MIB1: variants seen among roughly 807,000 people sequenced by gnomAD.
MIB1 encodes the protein MIB E3 ubiquitin protein ligase 1, also known as E3 ubiquitin-protein ligase MIB1.
Under a neutral mutation model 124.5 loss-of-function variants are expected in MIB1, and 278 were observed. That is an observed-to-expected ratio of 2.23 (90% CI 2.02 to 2.47). The LOEUF is 2.47. MIB1 is among the 30% of genes most tolerant of loss of function. MIB1 has a pLI of 0.00. For missense variants in MIB1, 957 were observed against 1,254.4 expected (o/e 0.76, Z 3.58); for synonymous variants, 446 against 429.4 (o/e 1.04, Z -0.48).
intron 20 of MIB1, among the ~76,000 whole-genome samples, chr18:21,861,126 C>T (rs761066310): frequency 1.3e-5 from 2 of 152,032 alleles, no homozygotes; most frequent in Non-Finnish European, 2.9e-5. Flanking sequence ...TCTGATTAGG[C>T]CAGTTTTTCT....
intron 1 of MIB1, among the ~76,000 whole-genome samples, chr18:21,755,453 T>C (rs748678038): frequency 2.0e-5 from 3 of 151,804 alleles, no homozygotes; most frequent in Non-Finnish European, 2.9e-5. Context: ...TGCCTCAGCC[T>C]CCTGAGTAGC....
chr18:21,867,546 C>T lies in MIB1; in HGVS notation c.*2880C>T, dbSNP rs1346865783. ...TGTATTAGTGTAGGAATATATTAGA[C>T]AAATGTTTAGTTGGTCAAATTATGC... On this transcript the variant is annotated 3_prime_UTR_variant, in exon 21 of 21. Transcript: ENST00000261537. The T allele has an allele frequency of 6.6e-6, 1 of 152,530 alleles. No individual in the cohort carries two copies. Among genetic ancestry groups the T allele is most frequent in the Non-Finnish European group, 1.5e-5 (1 of 67,974 alleles). The allele number at this position is 152,530 out of a possible 1,614,324, so 9.4% of individuals were successfully genotyped here.
At chr18:21,756,116 A>G (rs533940910) in intron 1 of MIB1, among the ~76,000 whole-genome samples, 4 of 152,264 alleles carry the variant, frequency 2.6e-5, no homozygotes, top group African/African-American at 9.6e-5. Context: ...GAAATCAAGG[A>G]TTTTATCAAT....
Position 21,795,289 on chromosome 18 carries a change from A to ATATATATAATATATAAATATATAT in MIB1, c.1093-2771_1093-2748dup, listed in dbSNP as rs1174290761. 9.4e-4 allele frequency among the ~76,000 whole-genome samples: 133 copies of ATATATATAATATATAAATATATAT among 140,774 alleles called. 1 individual carries two copies. The highest frequency in any genetic ancestry group is 6.2e-3 in the East Asian group (31 of 5,026). 92.4% of individuals were successfully genotyped at this position (140,774 alleles called of 152,430 possible). On this transcript the variant is annotated intron_variant, in intron 7 of 20. Transcript: ENST00000261537. ...TTTATATATATATAAATATATATGT[A>ATATATATAATATATAAATATATAT]TATATATAATATATAAATATATATT...
rs1435332687 is a variant in MIB1, at chr18:21,835,832, CACACACAA to C, written c.1830-2525_1830-2518del. On this transcript the variant is annotated intron_variant, in intron 12 of 20. Transcript: ENST00000261537. ...ACACACACACACACACACACACACA[CACACACAA>C]ACACACACGAGGAGTATTGGGAAAG... 5.1e-3 allele frequency among the ~76,000 whole-genome samples: 411 copies of C among 80,274 alleles called. 8 individuals carry two copies. Among genetic ancestry groups the C allele is most frequent in the African/African-American group, 0.017 (380 of 22,602 alleles). 52.7% of individuals were successfully genotyped at this position (80,274 alleles called of 152,430 possible).
intron 12 of MIB1, among the ~76,000 whole-genome samples, chr18:21,835,840 A>ACACACACACACACACACAC (rs1555695330): frequency 2.8e-5 from 3 of 108,060 alleles, no homozygotes; most frequent in Admixed American, 2.3e-4. Context: ...CACACACACA[A>ACACACACACACACACACAC]ACACACACGA....
chr18:21,777,800 C>T (rs537957805), intron 4 of MIB1, among the ~76,000 whole-genome samples: 15 of 152,188 alleles, frequency 9.9e-5, no homozygotes, highest in Admixed American at 2.0e-4. Flanking sequence ...TCAAGTGATC[C>T]GCCCATCTTG....
At chr18:21,819,203 A>G (rs1307966334) in intron 11 of MIB1, among the ~76,000 whole-genome samples, 2 of 152,034 alleles carry the variant, frequency 1.3e-5, no homozygotes, top group Non-Finnish European at 2.9e-5. Context: ...GTGCCCGGCT[A>G]ATTTTTAAAA....
At chr18:21,826,669 G>A (rs1300504899) in intron 12 of MIB1, 2 of 152,044 alleles carry the variant, frequency 1.3e-5, no homozygotes, top group Non-Finnish European at 2.9e-5. Flanking sequence ...TGATTTCAAT[G>A]TCTTGAGAGG....
chr18:21,757,490 T>G (rs559897520), intron 1 of MIB1, among the ~76,000 whole-genome samples: 1 of 143,478 alleles, frequency 7.0e-6, no homozygotes, highest in Non-Finnish European at 1.5e-5. Flanking sequence ...AGACAGTCTT[T>G]TTTTTTTTTT....
At chr18:21,796,743 T>C (rs1330294101) in intron 7 of MIB1, among the ~76,000 whole-genome samples, 1 of 152,070 alleles carries the variant, frequency 6.6e-6, no homozygotes, top group Admixed American at 6.6e-5. Flanking sequence ...TTCTGACTCT[T>C]TGACAAGAGG....
intron 20 of MIB1, among the ~76,000 whole-genome samples, chr18:21,860,752 C>T (rs1158450837): frequency 1.3e-5 from 2 of 152,088 alleles, no homozygotes; most frequent in African/African-American, 4.8e-5. Context: ...AAGAATTGGT[C>T]AGTTGCAGTG....
At chr18:21,744,725 G>A (rs2040893554) in intron 1 of MIB1, among the ~76,000 whole-genome samples, 2 of 152,174 alleles carry the variant, frequency 1.3e-5, no homozygotes, top group South Asian at 4.1e-4. Flanking sequence ...GAATATCATA[G>A]AAATGATGTT....
At chr18:21,744,569 G>A (rs1178397494) in intron 1 of MIB1, among the ~76,000 whole-genome samples, 1 of 152,086 alleles carries the variant, frequency 6.6e-6, no homozygotes, top group African/African-American at 2.4e-5. Flanking sequence ...AAGATCACAC[G>A]TTGCATTTAG....
intron 12 of MIB1, among the ~76,000 whole-genome samples, chr18:21,836,669 T>C (rs2042036045): frequency 6.6e-6 from 1 of 152,234 alleles, no homozygotes; most frequent in Non-Finnish European, 1.5e-5. Flanking sequence ...TAATGACAAG[T>C]ATTTACATTA....
At chr18:21,736,024 T>C (rs1346677781), upstream of MIB1, among the ~76,000 whole-genome samples, 1 of 152,254 alleles carries the variant, frequency 6.6e-6, no homozygotes, top group Non-Finnish European at 1.5e-5. Flanking sequence ...GTTCGAGCTC[T>C]GATAAGGGAC....
chr18:21,789,542 C>T (rs2041477607), intron 6 of MIB1, among the ~76,000 whole-genome samples: 1 of 152,118 alleles, frequency 6.6e-6, no homozygotes, highest in African/African-American at 2.4e-5. Flanking sequence ...TAATCCCTAT[C>T]AAAATCCTGG....
At position 21,857,405 on chromosome 18, in the gene MIB1, T is replaced by C. The variant is rs1273782410; in HGVS notation, c.2779+162T>C. ...GTTTTCTGGTGCTCTTATTATATTA[T>C]AAGAAACCTGAAGTTCTATTTTTGT... On this transcript the variant is annotated intron_variant, in intron 19 of 20. Transcript: ENST00000261537. 3.3e-5 allele frequency among the ~76,000 whole-genome samples: 5 copies of C among 152,246 alleles called. No homozygotes were observed. The East Asian group carries it at 9.6e-4, about 29-fold the overall frequency.
In MIB1 at chr18:21,765,788, A is replaced by T; in HGVS notation, c.246A>T (p.Gly82=). The part of the protein sequence containing the change: ...DSAPTGIKHD[G]TMCDTCRQQP... ...TTTTAATAGGCATCAAGCATGATGGAACCATGTGTGATACCTGCCGCCAGC... is the reference window on the plus strand; with the variant it reads ...TTTTAATAGGCATCAAGCATGATGGTACCATGTGTGATACCTGCCGCCAGC... Residue 82 remains glycine (G), a synonymous_variant, in exon 2 of 21, where the codon GGA becomes GGT. Transcript: ENST00000261537. 6.2e-7 allele frequency: 1 copy of T among 1,614,106 alleles called. No individual in the cohort carries two copies. The highest frequency in any genetic ancestry group is 8.5e-7 in the Non-Finnish European group (1 of 1,179,958).
Sources: gnomAD v4.1 joint callset for allele counts (sites outside exome capture counted in the v4.1 genomes callset) on GRCh38, gnomAD v4.1.1 for gene constraint, MANE v1.5 for transcripts, NCBI Gene and HGNC (gene_info 2026-07-23, HGNC 2026-07-21) for gene names.